The following SPATA17 variants were observed in gnomAD, a reference collection of about 807,000 sequenced individuals.
SPATA17 encodes the protein spermatogenesis associated 17.
In SPATA17, 53 loss-of-function variants were observed where a neutral mutation model predicts 62.2. The observed-to-expected ratio is 0.85, with a 90% CI of 0.68 to 1.07. SPATA17 has a LOEUF of 1.07. Ranked by LOEUF, SPATA17 falls within the 50% of genes least tolerant of loss-of-function variation. The pLI is 0.00. For synonymous variants in SPATA17, 146 were observed against 146.8 expected, an observed-to-expected ratio of 0.99 and a Z score of 0.04; for missense variants, 466 against 425.5, an observed-to-expected ratio of 1.10 and a Z score of -0.84.
At chr1:217,696,192 G>C (rs1336564917) in intron 5 of SPATA17, among the ~76,000 whole-genome samples, 1 of 152,208 alleles carries the variant, frequency 6.6e-6, no homozygotes, top group Non-Finnish European at 1.5e-5. Flanking sequence ...ATATAGTCTC[G>C]TGGTGCACCG....
At chr1:217,750,228 C>T (rs1188507852) in intron 6 of SPATA17, among the ~76,000 whole-genome samples, 1 of 151,594 alleles carries the variant, frequency 6.6e-6, no homozygotes, top group Non-Finnish European at 1.5e-5. Flanking sequence ...TTCAGGTTGT[C>T]CTTAATGGTA....
intron 9 of SPATA17, among the ~76,000 whole-genome samples, chr1:217,812,842 C>T (rs1416310758): frequency 6.6e-6 from 1 of 152,114 alleles, no homozygotes; most frequent in Admixed American, 6.6e-5. Flanking sequence ...AATGAGTTTC[C>T]ATAGGCATTT....
chr1:217,749,963 CTCTCTCTCTCTCTCTCTCTCTCTA>C (rs1287974545), intron 6 of SPATA17, among the ~76,000 whole-genome samples: 1 of 44,864 alleles, frequency 2.2e-5, no homozygotes, highest in African/African-American at 8.2e-5. Context: ...CTCTCTCTCT[CTCTCTCTCTCTCTCTCTCTCTCTA>C]TATATATATA....
rs1417206069 is a variant in SPATA17 at position 217,683,367 on chromosome 1, T to A, written c.395+6T>A. The A allele has an allele frequency of 6.4e-7, 1 of 1,553,298 alleles. No homozygotes were observed. The highest frequency in any genetic ancestry group is 8.9e-7 in the Non-Finnish European group (1 of 1,127,158). ...GAGACCAATGATGCAATTAGGTAAGTAGTGCAATCATCCATTCACTAGGGA... is the reference window on the plus strand; with the variant it reads ...GAGACCAATGATGCAATTAGGTAAGAAGTGCAATCATCCATTCACTAGGGA... On this transcript the variant is annotated splice_donor_region_variant and intron_variant, in intron 5 of 10. Coordinates refer to ENST00000366933, the MANE Select transcript of SPATA17 (RefSeq NM_138796.4).
intron 5 of SPATA17, among the ~76,000 whole-genome samples, chr1:217,728,698 G>A (rs891319338): frequency 2.6e-5 from 4 of 151,950 alleles, no homozygotes; most frequent in African/African-American, 9.7e-5. Context: ...TGTTTTGTAG[G>A]TTCATTCAAT....
chr1:217,761,164 T>A (rs1673164838), intron 6 of SPATA17, among the ~76,000 whole-genome samples: 1 of 152,214 alleles, frequency 6.6e-6, no homozygotes, highest in African/African-American at 2.4e-5. Flanking sequence ...ACACTGCTCA[T>A]CACACTTCAG....
intron 8 of SPATA17, among the ~76,000 whole-genome samples, 179 bp downstream of exon 8, chr1:217,782,501 G>T (rs1331929510): frequency 6.6e-6 from 1 of 151,980 alleles, no homozygotes; most frequent in African/African-American, 2.4e-5. Flanking sequence ...GGTCAGTATT[G>T]ATGGCAAAAA....
At chr1:217,781,319 T>C (rs1673721697) in intron 7 of SPATA17, 1 of 152,224 alleles carries the variant, frequency 6.6e-6, no homozygotes, top group South Asian at 2.1e-4. Flanking sequence ...ATAAGGAATA[T>C]GATTAGAAAT....
intron 9 of SPATA17, among the ~76,000 whole-genome samples, chr1:217,824,883 G>A (rs1249065831): frequency 6.6e-6 from 1 of 150,812 alleles, no homozygotes; most frequent in Non-Finnish European, 1.5e-5. Flanking sequence ...ATTTAAAGAT[G>A]TAAATATCCT....
At chr1:217,648,355 C>T (rs1469139178) in intron 1 of SPATA17, among the ~76,000 whole-genome samples, 1 of 152,008 alleles carries the variant, frequency 6.6e-6, no homozygotes, top group Non-Finnish European at 1.5e-5. Flanking sequence ...CTATATAAAC[C>T]CTATGGCCCT....
intron 5 of SPATA17, among the ~76,000 whole-genome samples, chr1:217,709,902 A>T (rs563894477): frequency 1.3e-5 from 2 of 152,338 alleles, no homozygotes; most frequent in Admixed American, 6.5e-5. Context: ...CTAATTACTT[A>T]TACCAGCAAC....
intron 3 of SPATA17, among the ~76,000 whole-genome samples, chr1:217,663,680 T>C (rs1388962370): frequency 6.6e-6 from 1 of 152,202 alleles, no homozygotes; most frequent in Non-Finnish European, 1.5e-5. Flanking sequence ...ATCACTTTAA[T>C]GCATATATTT....
intron 9 of SPATA17, among the ~76,000 whole-genome samples, chr1:217,843,167 TA>T (rs1413187990): frequency 2.6e-5 from 4 of 152,230 alleles, no homozygotes; most frequent in Non-Finnish European, 5.9e-5. Context: ...TCAAGTACAT[TA>T]AAAAGAATAC....
Position 217,774,347 on chromosome 1 carries a change from A to G in SPATA17, c.533A>G (p.Tyr178Cys), listed in dbSNP as rs1673534963. 6.2e-6 allele frequency: 10 copies of G among 1,613,444 alleles called. No individual in the cohort carries two copies. Among genetic ancestry groups the G allele is most frequent in the African/African-American group, 1.3e-5 (1 of 74,906 alleles). Residue 178 changes from tyrosine (Y) to cysteine (C), a missense_variant, in exon 7 of 11, where the codon TAC becomes TGC. Tyr to Cys is a radical substitution (Grantham distance 194, BLOSUM62 -2). Transcript: ENST00000366933. Reference protein sequence around the residue: ...LLSTKQIPGIYNSPFRKEPDP... With the variant: ...LLSTKQIPGICNSPFRKEPDP... ...CTTCTTCTTTAGATTCCAGGAATAT[A>G]CAATTCACCCTTCAGAAAAGAGCCT... is the stretch of plus-strand genomic sequence containing the variant.
intron 6 of SPATA17, among the ~76,000 whole-genome samples, chr1:217,762,698 G>A (rs1344292180): frequency 6.6e-6 from 1 of 152,146 alleles, no homozygotes; most frequent in African/African-American, 2.4e-5. Context: ...TAGGCCAGAC[G>A]CAGTGGCTCT....
At chr1:217,724,676 AT>A (rs1018897845) in intron 5 of SPATA17, among the ~76,000 whole-genome samples, 1 of 152,086 alleles carries the variant, frequency 6.6e-6, no homozygotes, top group African/African-American at 2.4e-5. Flanking sequence ...GTGCACAAAA[AT>A]TCCTGTTTCT....
chr1:217,633,115 T>A (rs1160202000), intron 1 of SPATA17, among the ~76,000 whole-genome samples: 1 of 152,048 alleles, frequency 6.6e-6, no homozygotes, highest in Non-Finnish European at 1.5e-5. Flanking sequence ...AGAGAATCAG[T>A]TGAACCCAGG....
At chr1:217,712,328 G>T (rs1671892809) in intron 5 of SPATA17, among the ~76,000 whole-genome samples, 1 of 151,940 alleles carries the variant, frequency 6.6e-6, no homozygotes, top group Non-Finnish European at 1.5e-5. Flanking sequence ...GTTTCTCCAT[G>T]TTGGTCAGGC....
chr1:217,857,113 T>C (rs949328811), intron 9 of SPATA17, among the ~76,000 whole-genome samples: 2 of 152,166 alleles, frequency 1.3e-5, no homozygotes, highest in Non-Finnish European at 2.9e-5. Flanking sequence ...TAACCCTTGA[T>C]TTTCATCTTA....
Sources: gnomAD v4.1 joint callset for allele counts (sites outside exome capture counted in the v4.1 genomes callset) on GRCh38, gnomAD v4.1.1 for gene constraint, MANE v1.5 for transcripts, NCBI Gene and HGNC (gene_info 2026-07-23, HGNC 2026-07-21) for gene names.